Variants in GPHN observed in about 807,000 individuals in gnomAD.
The protein encoded by GPHN is gephyrin.
GPHN carries 17 observed loss-of-function variants against 95.5 expected under a neutral mutation model. The observed-to-expected ratio is 0.18, with a 90% confidence interval of 0.12 to 0.27. GPHN has a LOEUF of 0.27. Among genes scored for constraint, GPHN ranks in the 10% least tolerant of loss-of-function variants. GPHN has a pLI of 1.00. For missense variants in GPHN, 660 were observed against 978.1 expected (o/e 0.67, Z 4.34); for synonymous variants, 320 against 322.5 (o/e 0.99, Z 0.08).
intron 1 of GPHN, among the ~76,000 whole-genome samples, chr14:66,669,837 A>C (rs7145552): frequency 0.015 from 2,241 of 152,102 alleles, 52 homozygotes; most frequent in African/African-American, 0.051. Flanking sequence ...TTTGCTCATA[A>C]AATTTGTTTC....
the GPHN span, among the ~76,000 whole-genome samples, chr14:67,602,239 G>A: frequency 6.6e-6 from 1 of 152,172 alleles, no homozygotes; most frequent in African/African-American, 2.4e-5. Flanking sequence ...GCAGCAGGAG[G>A]GGAGTGGGGA....
chr14:66,599,267 C>G (rs1461820946), intron 1 of GPHN, among the ~76,000 whole-genome samples: 1 of 151,920 alleles, frequency 6.6e-6, no homozygotes, highest in African/African-American at 2.4e-5. Context: ...CAAATTTATC[C>G]TCATTCCAAT....
At chr14:67,267,714 T>C in the GPHN span, among the ~76,000 whole-genome samples, 2 of 152,212 alleles carry the variant, frequency 1.3e-5, no homozygotes, top group Non-Finnish European at 2.9e-5. Context: ...AGGACACTTT[T>C]ATCACATGAA....
chr14:67,444,204 C>A, the GPHN span, among the ~76,000 whole-genome samples: 1 of 152,196 alleles, frequency 6.6e-6, no homozygotes, highest in Non-Finnish European at 1.5e-5. Context: ...TGTGCCCCGA[C>A]CACCTTGAGC....
chr14:67,372,110 C>G, the GPHN span, among the ~76,000 whole-genome samples: 1 of 152,056 alleles, frequency 6.6e-6, no homozygotes, highest in African/African-American at 2.4e-5. Context: ...TTTGTTATCT[C>G]TCACTTCTTT....
At chr14:67,034,567 C>T (rs917810929) in intron 10 of GPHN, among the ~76,000 whole-genome samples, 1 of 151,940 alleles carries the variant, frequency 6.6e-6, no homozygotes, top group Non-Finnish European at 1.5e-5. Context: ...TGTAAAGACA[C>T]ATATAGGCTG....
intron 11 of GPHN, among the ~76,000 whole-genome samples, chr14:67,068,589 A>G (rs909714609): frequency 2.6e-5 from 4 of 152,178 alleles, no homozygotes; most frequent in Non-Finnish European, 4.4e-5. Flanking sequence ...TGGAAAAACT[A>G]TGAGCTTTTT....
At chr14:67,228,297 T>G in the GPHN span, 1 of 346,968 alleles carries the variant, frequency 2.9e-6, no homozygotes, top group Non-Finnish European at 4.0e-6. Context: ...TAAATATAAT[T>G]TTGTTTGTTT....
At chr14:67,633,010 C>T in the GPHN span, among the ~76,000 whole-genome samples, 1 of 151,584 alleles carries the variant, frequency 6.6e-6, no homozygotes. Flanking sequence ...TTAGTAGAGA[C>T]AGTGTTTCAC....
the GPHN span, chr14:67,586,807 T>C: frequency 7.0e-7 from 1 of 1,429,994 alleles, no homozygotes; most frequent in Non-Finnish European, 9.2e-7. Flanking sequence ...TCCCTGGTTG[T>C]AGAGCTAACC....
intron 7 of GPHN, 109 bp from the exon 8 acceptor site, chr14:66,924,085 A>T (rs1460902620): frequency 1.1e-5 from 8 of 711,478 alleles, no homozygotes; most frequent in Non-Finnish European, 1.8e-5. Context: ...AAATGTTAGC[A>T]TTTCATTTTT....
the GPHN span, among the ~76,000 whole-genome samples, chr14:67,381,125 G>A: frequency 2.0e-5 from 3 of 152,130 alleles, no homozygotes; most frequent in South Asian, 6.2e-4. Flanking sequence ...TGTATCATAG[G>A]TACCCTTCCA....
the GPHN span, among the ~76,000 whole-genome samples, chr14:67,544,509 G>GT: frequency 2.6e-5 from 4 of 152,166 alleles, no homozygotes; most frequent in Non-Finnish European, 4.4e-5. Context: ...TCTACAATGA[G>GT]TGAGTATCCA....
At chr14:66,930,041 T>A (rs1372523175) in intron 8 of GPHN, among the ~76,000 whole-genome samples, 2 of 152,148 alleles carry the variant, frequency 1.3e-5, no homozygotes, top group Non-Finnish European at 2.9e-5. Flanking sequence ...GTGAAGTGTG[T>A]TTCTTGTGAC....
the GPHN span, among the ~76,000 whole-genome samples, chr14:67,482,596 C>T: frequency 1.3e-3 from 192 of 152,312 alleles, no homozygotes; most frequent in African/African-American, 4.3e-3. Context: ...CCTGAGGCAA[C>T]GCAGCGGGGG....
the GPHN span, chr14:67,579,305 T>A: frequency 5.2e-6 from 8 of 1,527,902 alleles, no homozygotes; most frequent in Non-Finnish European, 6.1e-6. Flanking sequence ...CCAACGGGAC[T>A]TACCATGTGA....
chr14:67,713,903 T>A, the GPHN span, among the ~76,000 whole-genome samples: 159 of 152,256 alleles, frequency 1.0e-3, 1 homozygote, highest in Non-Finnish European at 1.8e-3. Context: ...AACAGCTGCA[T>A]TCTTTTGAGT....
chr14:67,608,921 C>A, the GPHN span, among the ~76,000 whole-genome samples: 10 of 152,284 alleles, frequency 6.6e-5, no homozygotes, highest in East Asian at 1.9e-3. Context: ...CTTCTGTGAC[C>A]AAGCGTATGG....
chr14:67,578,266 G>C, the GPHN span: 1 of 1,433,788 alleles, frequency 7.0e-7, no homozygotes. This position sits in a 1 kb window ranked among gnomAD's most constrained non-coding sequence, Gnocchi z 5.0. Flanking sequence ...GGGAAAGGTG[G>C]GAGGAGGTGA....
Sources: gnomAD v4.1 joint callset for allele counts (sites outside exome capture counted in the v4.1 genomes callset) on GRCh38, gnomAD v4.1.1 for gene constraint, Gnocchi (gnomAD v3.1) non-coding constraint, MANE v1.5 for transcripts, NCBI Gene and HGNC (gene_info 2026-07-23, HGNC 2026-07-21) for gene names.